TRPM3: variants seen among roughly 807,000 people sequenced by gnomAD.
TRPM3 encodes long transient receptor potential channel 3.
In TRPM3, 77 loss-of-function variants were observed where a neutral mutation model predicts 181.2. The ratio of observed to expected loss-of-function variants is 0.42; its 90% CI spans 0.35 to 0.51. The LOEUF is 0.51. TRPM3 is among the 20% of genes least tolerant of loss of function. TRPM3 has a pLI of 0.01. For missense variants in TRPM3, 1,759 were observed against 2,196.7 expected (o/e 0.80, Z 3.98); for synonymous variants, 745 against 796.4 (o/e 0.94, Z 1.09).
intron 1 of TRPM3, among the ~76,000 whole-genome samples, chr9:71,046,810 G>A (rs1307408643): frequency 6.6e-6 from 1 of 152,186 alleles, no homozygotes; most frequent in Admixed American, 6.5e-5. Flanking sequence ...TATTTGTATA[G>A]GAGAACAGAA....
At chr9:71,267,083 C>T (rs928709480) in intron 1 of TRPM3, among the ~76,000 whole-genome samples, 5 of 152,030 alleles carry the variant, frequency 3.3e-5, no homozygotes, top group Admixed American at 6.6e-5. Flanking sequence ...TGGAGAGTCC[C>T]GAGAAGCTAT....
rs377208463 is a variant in TRPM3 at position 70,749,049 on chromosome 9, G to A, written c.1272+12552C>T. Among the ~76,000 whole-genome samples, 383 of 150,728 alleles carry A rather than the reference G, an allele frequency of 2.5e-3. 1 individual carries two copies. The highest frequency in any genetic ancestry group is 9.0e-3 in the African/African-American group (364 of 40,638). The stretch of plus-strand genomic sequence containing the variant: ...CAGTTCATTTCTGTATTTTTTTTGT[G>A]GAGATAGGGTTTTGCTATGTTGCCT... On this transcript the variant is annotated intron_variant, in intron 8 of 25. Transcript: ENST00000677713.
chr9:71,307,850 T>A (rs1489132189), intron 1 of TRPM3, among the ~76,000 whole-genome samples: 1 of 152,200 alleles, frequency 6.6e-6, no homozygotes, highest in Admixed American at 6.5e-5. Context: ...AATTAAATAT[T>A]TGTTGTAATT....
At chr9:70,795,120 C>CTAT (rs942178411) in intron 6 of TRPM3, among the ~76,000 whole-genome samples, 3 of 152,168 alleles carry the variant, frequency 2.0e-5, no homozygotes, top group African/African-American at 4.8e-5. Context: ...TATGAAAACA[C>CTAT]TATTTTATAC....
intron 1 of TRPM3, among the ~76,000 whole-genome samples, chr9:71,339,525 G>A (rs1588566411): frequency 7.5e-6 from 1 of 133,194 alleles, no homozygotes; most frequent in South Asian, 2.5e-4. Flanking sequence ...CAATAACATA[G>A]AAATTTAGCA....
intron 1 of TRPM3, among the ~76,000 whole-genome samples, chr9:70,955,490 AT>A (rs1165396248): frequency 3.3e-5 from 5 of 152,170 alleles, no homozygotes; most frequent in Non-Finnish European, 7.3e-5. Context: ...GTTTATATAC[AT>A]TATCTCACTT....
At chr9:70,652,450 A>G (rs2059717261) in intron 9 of TRPM3, among the ~76,000 whole-genome samples, 1 of 152,096 alleles carries the variant, frequency 6.6e-6, no homozygotes, top group Non-Finnish European at 1.5e-5. Context: ...GAAGTGAAGA[A>G]ATAAGGACAT....
intron 22 of TRPM3, among the ~76,000 whole-genome samples, chr9:70,570,846 C>T (rs1564373436): frequency 6.6e-6 from 1 of 152,212 alleles, no homozygotes; most frequent in Non-Finnish European, 1.5e-5. Context: ...CTTGATTCCA[C>T]ATATCTCCAG....
At chr9:71,173,544 T>C (rs901367463) in intron 1 of TRPM3, among the ~76,000 whole-genome samples, 16 of 152,346 alleles carry the variant, frequency 1.1e-4, no homozygotes, top group African/African-American at 2.2e-4. Context: ...CCTTAAAATA[T>C]AGGTGCAAGT....
rs542077680 is a variant in TRPM3, at chr9:70,593,450, G to T, written c.3049-2245C>A. Among the ~76,000 whole-genome samples the T allele has an allele frequency of 6.6e-5, 10 of 152,276 alleles. No homozygotes were observed. The East Asian group carries it at 1.9e-3, about 29-fold the overall frequency. On this transcript the variant is annotated intron_variant, in intron 21 of 25. Transcript: ENST00000677713. ...TTTATTTACACTGATTAAAAGATGG[G>T]TTGGGAGAGGAAGGTTTGTGCTCAT...
At chr9:70,897,856 T>C (rs1415151319) in intron 1 of TRPM3, among the ~76,000 whole-genome samples, 1 of 152,224 alleles carries the variant, frequency 6.6e-6, no homozygotes, top group African/African-American at 2.4e-5. Flanking sequence ...ATAGCATTTG[T>C]GGTGAAGTTC....
chr9:71,013,211 G>A (rs1377511393), intron 1 of TRPM3, among the ~76,000 whole-genome samples: 3 of 151,964 alleles, frequency 2.0e-5, no homozygotes, highest in Non-Finnish European at 4.4e-5. Flanking sequence ...GAGATAATAT[G>A]ACTTTTTTCC....
intron 8 of TRPM3, among the ~76,000 whole-genome samples, chr9:70,743,210 G>A (rs2074492581): frequency 6.6e-6 from 1 of 152,146 alleles, no homozygotes; most frequent in African/African-American, 2.4e-5. Context: ...GGATCACGGA[G>A]GGTCTTGAAT....
chr9:70,767,394 A>C (rs1693094883), intron 7 of TRPM3, among the ~76,000 whole-genome samples: 1 of 152,192 alleles, frequency 6.6e-6, no homozygotes, highest in African/African-American at 2.4e-5. Context: ...AAATATAGAG[A>C]TATAAATAAT....
At chr9:70,911,691 A>G (rs1243130557) in intron 1 of TRPM3, among the ~76,000 whole-genome samples, 1 of 152,144 alleles carries the variant, frequency 6.6e-6, no homozygotes, top group Non-Finnish European at 1.5e-5. Context: ...TCACTTTCCC[A>G]CTCATTATCT....
intron 19 of TRPM3, among the ~76,000 whole-genome samples, chr9:70,605,144 T>G (rs2060804861): frequency 6.6e-6 from 1 of 151,674 alleles, no homozygotes. Context: ...TAGTAGAGAC[T>G]GAGGTTTCAT....
chr9:71,055,605 T>G (rs780645464), intron 1 of TRPM3, among the ~76,000 whole-genome samples: 11 of 152,056 alleles, frequency 7.2e-5, no homozygotes, highest in Non-Finnish European at 1.5e-4. Context: ...AGAATTCAAA[T>G]ACATACCTAT....
At chr9:70,610,435 G>A (rs1255754348) in intron 19 of TRPM3, among the ~76,000 whole-genome samples, 174 bp downstream of exon 19, 1 of 152,160 alleles carries the variant, frequency 6.6e-6, no homozygotes, top group African/African-American at 2.4e-5. Context: ...GCCTGTGAAA[G>A]CTGCCTAACA....
At chr9:70,620,934 T>A (rs950616277) in intron 15 of TRPM3, among the ~76,000 whole-genome samples, 3 of 150,854 alleles carry the variant, frequency 2.0e-5, no homozygotes, top group African/African-American at 7.3e-5. Flanking sequence ...AAATAGGATT[T>A]TTTTTTGTTT....
Sources: allele counts gnomAD v4.1 joint callset (sites outside exome capture counted in the v4.1 genomes callset), GRCh38; gene constraint gnomAD v4.1.1; transcripts MANE v1.5; gene names NCBI Gene and HGNC (gene_info 2026-07-23, HGNC 2026-07-21).